Variants in ARL13B observed in about 807,000 individuals in gnomAD.
ARL13B encodes the protein ADP-ribosylation factor-like protein 13B.
Under a neutral mutation model 56.1 loss-of-function variants are expected in ARL13B, and 36 were observed. The ratio of observed to expected loss-of-function variants is 0.64; its 90% CI spans 0.49 to 0.85. ARL13B has a LOEUF of 0.85. Among genes scored for constraint, ARL13B ranks in the 40% least tolerant of loss-of-function variants. The pLI, the probability that ARL13B is intolerant of heterozygous loss-of-function variation, is 0.00. For synonymous variants in ARL13B, 178 were observed against 171.1 expected, an observed-to-expected ratio of 1.04 and a Z score of -0.32; for missense variants, 519 against 507.1, an observed-to-expected ratio of 1.02 and a Z score of -0.23.
Position 94,054,467 on chromosome 3 carries a change from T to C in ARL13B, c.*1204T>C, listed in dbSNP as rs1026650448. On this transcript the variant is annotated 3_prime_UTR_variant, in exon 10 of 10. Transcript: ENST00000394222. Reference sequence around the variant, plus strand: ...ATTTTTAATAATAGATTCATAATGTTACATTTAATTGAAAACAAACCTTTA... The same window carrying C: ...ATTTTTAATAATAGATTCATAATGTCACATTTAATTGAAAACAAACCTTTA... 1 of 356,862 alleles carries C rather than the reference T, an allele frequency of 2.8e-6. No individual in the cohort carries two copies. The highest frequency in any genetic ancestry group is 3.9e-5 in the Admixed American group (1 of 25,954). The allele number at this position is 356,862 out of a possible 1,614,324, so 22.1% of individuals were successfully genotyped here.
In ARL13B at chr3:94,043,197, G is replaced by A. The variant is rs749088942; in HGVS notation, c.981G>A (p.Gln327=). 2.2e-5 allele frequency: 36 copies of A among 1,613,252 alleles called. No homozygotes were observed. The highest frequency in any genetic ancestry group is 2.9e-5 in the Non-Finnish European group (34 of 1,179,846). Residue 327 remains glutamine, a synonymous_variant, in exon 7 of 10, where the codon CAG becomes CAA. Transcript: ENST00000394222. The stretch of plus-strand genomic sequence containing the variant: ...ATTATAAGGAGGCATTAACACAGCA[G>A]TTAAAGAATGAAGATGAGACAGACC... ...VENYKEALTQ[Q]LKNEDETDRP...
chr3:94,006,327 T>C (rs752125242), intron 3 of ARL13B, among the ~76,000 whole-genome samples: 16 of 152,090 alleles, frequency 1.1e-4, no homozygotes, highest in Non-Finnish European at 1.2e-4. Context: ...TGTATCCTAC[T>C]CTTTTTTTTG....
At chr3:94,041,631 T>G (rs937862063) in intron 6 of ARL13B, among the ~76,000 whole-genome samples, 1 of 152,122 alleles carries the variant, frequency 6.6e-6, no homozygotes, top group African/African-American at 2.4e-5. Context: ...TAGTGAGAAA[T>G]AGAACACATA....
At position 94,049,416 on chromosome 3, in the gene ARL13B, A is replaced by C; in HGVS notation, c.1035A>C (p.Lys345Asn). The C allele has an allele frequency of 6.3e-7, 1 of 1,598,082 alleles. No individual in the cohort carries two copies. Among genetic ancestry groups the C allele is most frequent in the Non-Finnish European group, 8.6e-7 (1 of 1,169,000 alleles). Residue 345 changes from lysine to asparagine, a missense_variant, in exon 8 of 10, where the codon AAA becomes AAC. Physicochemically the swap from Lys to Asn is moderately conservative, Grantham distance 94 (BLOSUM62 0). Transcript: ENST00000394222. ...TTTATATTCTTGTAGCTAATGGTAAAAAGAAAACTAAGAAACTAAGAATGA... is the reference window on the plus strand; with the variant it reads ...TTTATATTCTTGTAGCTAATGGTAACAAGAAAACTAAGAAACTAAGAATGA... ...DRPSLESANG[K>N]KKTKKLRMKR...
chr3:93,980,351 GC>G lies in ARL13B; in HGVS notation c.-68del. On this transcript the variant is annotated 5_prime_UTR_variant, in exon 1 of 10. Transcript: ENST00000394222. ...TTAGGGGCGTCTCGGAGTGCCGGAGGCCCCCGGGGAAGAGCGGGGTGCCGGT... is the reference window on the plus strand; with the variant it reads ...TTAGGGGCGTCTCGGAGTGCCGGAGGCCCCGGGGAAGAGCGGGGTGCCGGT... 1 of 1,584,792 alleles carries G rather than the reference GC, an allele frequency of 6.3e-7. No homozygotes were observed.
chr3:94,004,994 G>T (rs1047769720), intron 3 of ARL13B, among the ~76,000 whole-genome samples: 9 of 151,722 alleles, frequency 5.9e-5, no homozygotes, highest in Non-Finnish European at 1.2e-4. Context: ...TATTAATGAT[G>T]GTTATTTGTA....
Position 94,006,166 on chromosome 3 carries a change from G to A in ARL13B, c.380+2258G>A, listed in dbSNP as rs556745056. 1.8e-3 allele frequency among the ~76,000 whole-genome samples: 268 copies of A among 152,062 alleles called. 1 individual carries two copies. The highest frequency in any genetic ancestry group is 2.9e-3 in the Non-Finnish European group (197 of 67,980). ...AATATAAAAAATTAGCCGGGCATGC[G>A]CGCCTGTAGTCCCAGCTACTCGGGA... is the stretch of plus-strand genomic sequence containing the variant. On this transcript the variant is annotated intron_variant, in intron 3 of 9. Coordinates refer to ENST00000394222, the MANE Select transcript of ARL13B (RefSeq NM_001174150.2).
intron 1 of ARL13B, among the ~76,000 whole-genome samples, chr3:93,994,389 A>T (rs1354784763): frequency 3.3e-5 from 2 of 60,040 alleles, no homozygotes; most frequent in Non-Finnish European, 3.5e-5. Flanking sequence ...AACTGCCCCC[A>T]CCTCCCACCC....
Position 94,049,509 on chromosome 3 carries a change from A to T in ARL13B, c.1128A>T (p.Pro376=), listed in dbSNP as rs745450022. 2.6e-6 allele frequency: 3 copies of T among 1,157,128 alleles called. No individual in the cohort carries two copies. The highest frequency in any genetic ancestry group is 3.6e-6 in the Non-Finnish European group (3 of 837,618). 71.7% of individuals were successfully genotyped at this position (1,157,128 alleles called of 1,614,324 possible). A position where few individuals can be genotyped will look rare whatever the true frequency, so the allele number is the denominator to read the frequency against. The change falls in exon 8 of 10, where the codon CCA becomes CCT. Residue 376 remains proline (P), a synonymous_variant. Transcript: ENST00000394222. ...CTCCTGAGAGTCCAACGCCACCCCC[A>T]CCCCCTCCTCCTGGTGAGTAAATTG... ...DCAPESPTPP[P]PPPPVGWGTP...
At chr3:93,999,501 G>T (rs1378311029) in intron 2 of ARL13B, among the ~76,000 whole-genome samples, 7 of 151,986 alleles carry the variant, frequency 4.6e-5, no homozygotes, top group African/African-American at 1.7e-4. Context: ...TGAGATTTTT[G>T]TATAGGCATG....
intron 1 of ARL13B, among the ~76,000 whole-genome samples, chr3:93,989,957 C>G (rs2075838940): frequency 6.6e-6 from 1 of 152,114 alleles, no homozygotes; most frequent in Non-Finnish European, 1.5e-5. Context: ...AAGGTTACAT[C>G]ATTAATTATT....
intron 1 of ARL13B, among the ~76,000 whole-genome samples, chr3:93,980,845 A>G (rs1232038860): frequency 6.6e-6 from 1 of 152,070 alleles, no homozygotes; most frequent in Admixed American, 6.6e-5. Flanking sequence ...CATGGAATAT[A>G]GTTTTCATAA....
chr3:94,039,155 T>C (rs2076819691), intron 5 of ARL13B, among the ~76,000 whole-genome samples: 1 of 152,232 alleles, frequency 6.6e-6, no homozygotes, highest in African/African-American at 2.4e-5. Flanking sequence ...AAGGAATGTT[T>C]TCCTAGTTTT....
At chr3:94,006,253 G>T (rs373458373) in intron 3 of ARL13B, among the ~76,000 whole-genome samples, 1 of 152,046 alleles carries the variant, frequency 6.6e-6, no homozygotes, top group Admixed American at 6.6e-5. Context: ...CCAAGATCAC[G>T]CCACTGCACT....
chr3:94,042,574 C>T (rs1432756576), intron 6 of ARL13B, among the ~76,000 whole-genome samples: 1 of 151,940 alleles, frequency 6.6e-6, no homozygotes, highest in Non-Finnish European at 1.5e-5. Context: ...AATGTATATT[C>T]TTCAATAAAA....
chr3:94,011,582 T>C (rs1452680825), intron 3 of ARL13B, among the ~76,000 whole-genome samples: 1 of 152,150 alleles, frequency 6.6e-6, no homozygotes, highest in Admixed American at 6.6e-5. Context: ...TTTTCTTCTA[T>C]AGTATGGAAG....
At chr3:93,989,925 C>T (rs2075837497) in intron 1 of ARL13B, among the ~76,000 whole-genome samples, 1 of 152,222 alleles carries the variant, frequency 6.6e-6, no homozygotes, top group Non-Finnish European at 1.5e-5. Context: ...TAGGAGTAAG[C>T]GGCTCACTTT....
At chr3:94,019,904 T>G (rs934081488) in intron 3 of ARL13B, among the ~76,000 whole-genome samples, 1 of 152,200 alleles carries the variant, frequency 6.6e-6, no homozygotes, top group African/African-American at 2.4e-5. Flanking sequence ...GTGACGTTTT[T>G]CCCCAACCCA....
At chr3:93,987,957 T>C (rs1405263351) in intron 1 of ARL13B, among the ~76,000 whole-genome samples, 1 of 152,170 alleles carries the variant, frequency 6.6e-6, no homozygotes, top group Non-Finnish European at 1.5e-5. Flanking sequence ...CTTTTTTAAA[T>C]AGTTATTATA....
Sources: gnomAD v4.1 joint callset for allele counts (sites outside exome capture counted in the v4.1 genomes callset) on GRCh38, gnomAD v4.1.1 for gene constraint, MANE v1.5 for transcripts, NCBI Gene and HGNC (gene_info 2026-07-23, HGNC 2026-07-21) for gene names.